The following ZNF536 variants were observed in gnomAD, a reference collection of about 807,000 sequenced individuals.
ZNF536 encodes the protein zinc finger protein 536.
A neutral mutation model predicts 84.5 loss-of-function variants in ZNF536; 13 were observed. The ratio of observed to expected loss-of-function variants is 0.15; its 90% CI spans 0.10 to 0.24. The LOEUF (loss-of-function observed/expected upper bound fraction) is 0.24. ZNF536 is among the 10% of genes least tolerant of loss of function. ZNF536 has a pLI of 1.00. For synonymous variants in ZNF536, 811 were observed against 742.5 expected (o/e 1.09, Z -1.50); for missense variants, 1,536 against 1,747.5 (o/e 0.88, Z 2.16).
intron 1 of ZNF536, among the ~76,000 whole-genome samples, chr19:30,633,717 A>C (rs567463783): frequency 6.6e-6 from 1 of 152,074 alleles, no homozygotes; most frequent in Admixed American, 6.5e-5. Flanking sequence ...TTTTATTTTT[A>C]TTTGATTTTT....
rs536642662 is a variant in ZNF536 at position 30,452,254 on chromosome 19, G to A, written c.2170+6522G>A. 2.0e-3 allele frequency among the ~76,000 whole-genome samples: 302 copies of A among 152,358 alleles called. 1 individual carries two copies. The highest frequency in any genetic ancestry group is 6.3e-3 in the African/African-American group (260 of 41,582). ...GCAGAGCTGGGGCAGCCTCTGCATAGAGGGCAGATTGGGGTCCTTCTGGCC... is the reference window on the plus strand; with the variant it reads ...GCAGAGCTGGGGCAGCCTCTGCATAAAGGGCAGATTGGGGTCCTTCTGGCC... On this transcript the variant is annotated intron_variant, in intron 2 of 4. Transcript: ENST00000355537.
chr19:30,636,351 C>A (rs1336870233), intron 1 of ZNF536, among the ~76,000 whole-genome samples: 2 of 152,098 alleles, frequency 1.3e-5, no homozygotes, highest in Non-Finnish European at 2.9e-5. Context: ...GATTGGGGAC[C>A]GGATGCGTGT....
At chr19:30,386,806 G>C (rs2049361268) in intron 1 of ZNF536, among the ~76,000 whole-genome samples, 1 of 152,214 alleles carries the variant, frequency 6.6e-6, no homozygotes. Context: ...GTGGCTTTCA[G>C]GAACCGATTT....
chr19:30,324,489 C>T (rs1218020313), intron 2 of ZNF536, among the ~76,000 whole-genome samples: 4 of 152,210 alleles, frequency 2.6e-5, no homozygotes, highest in Admixed American at 2.6e-4. Context: ...CTCAGACAGT[C>T]CTCCCACTTC....
downstream of ZNF536, among the ~76,000 whole-genome samples, chr19:30,561,942 T>C (rs1231746497): frequency 1.3e-5 from 2 of 152,160 alleles, no homozygotes; most frequent in African/African-American, 4.8e-5. Flanking sequence ...GTCGCAGACC[T>C]ACCAGAGCCA....
rs565819080 is a variant in ZNF536 at position 30,260,333 on chromosome 19, C to A, written c.-189-23739C>A. ...GTTGGGGAACATCACAGCAGTTGTT[C>A]CTGTCCAGGAAATATCTGCATTTTA... On this transcript the variant is annotated intron_variant, in intron 1 of 5. Transcript: ENST00000585628. Among the ~76,000 whole-genome samples, 82 of 152,292 alleles carry A rather than the reference C, an allele frequency of 5.4e-4. 1 individual carries two copies. The highest frequency in any genetic ancestry group is 1.9e-3 in the African/African-American group (78 of 41,564).
At chr19:30,539,652 A>G (rs1425391760) in intron 3 of ZNF536, among the ~76,000 whole-genome samples, 1 of 152,204 alleles carries the variant, frequency 6.6e-6, no homozygotes, top group Non-Finnish European at 1.5e-5. Flanking sequence ...CACCCATGCC[A>G]TTCTTTTCCT....
chr19:30,358,939 C>T (rs1207078790), intron 3 of ZNF536, among the ~76,000 whole-genome samples: 1 of 152,178 alleles, frequency 6.6e-6, no homozygotes, highest in Non-Finnish European at 1.5e-5. Flanking sequence ...TCTTGGGGAG[C>T]TGTCATAGCC....
intron 2 of ZNF536, among the ~76,000 whole-genome samples, chr19:30,295,976 A>G (rs939887144): frequency 4.2e-4 from 64 of 152,166 alleles, no homozygotes; most frequent in African/African-American, 1.5e-3. Context: ...AGAGGCCTCC[A>G]TGGGGCCCAG....
intron 2 of ZNF536, among the ~76,000 whole-genome samples, chr19:30,513,034 T>TA (rs1406749252): frequency 1.3e-5 from 2 of 152,272 alleles, no homozygotes; most frequent in Non-Finnish European, 2.9e-5. Flanking sequence ...ATATTTTATT[T>TA]TTTTTTCTTT....
In ZNF536 at chr19:30,445,250, A is replaced by G. The variant is rs2148217052; in HGVS notation, c.1688A>G (p.Lys563Arg). ...GCCGGGGTTCTGTTTGATAAGGAGAAGCGGGAGTACGTGTTAGTGGGAGCA... is the reference window on the plus strand; with the variant it reads ...GCCGGGGTTCTGTTTGATAAGGAGAGGCGGGAGTACGTGTTAGTGGGAGCA... ...ANAGVLFDKEKREYVLVGADG... is the reference protein window; with the variant it reads ...ANAGVLFDKERREYVLVGADG... The change falls in exon 2 of 5, where the codon AAG becomes AGG. Residue 563 changes from lysine to arginine, a missense_variant. Transcript: ENST00000355537. This position sits in a 1 kb window ranked among gnomAD's most constrained non-coding sequence, Gnocchi z 4.5. 4 of 1,614,182 alleles carry G rather than the reference A, an allele frequency of 2.5e-6. No homozygotes were observed. Among genetic ancestry groups the G allele is most frequent in the Non-Finnish European group, 3.4e-6 (4 of 1,180,042 alleles).
intron 1 of ZNF536, among the ~76,000 whole-genome samples, chr19:30,439,959 CTTTTTTTTTTTT>C (rs199638233): frequency 2.1e-5 from 2 of 96,396 alleles, no homozygotes; most frequent in Non-Finnish European, 2.0e-5. Flanking sequence ...TTCTTTCTTT[CTTTTTTTTTTTT>C]TTTTTTTTTG....
chr19:30,669,431 C>T (rs1009575150), intron 1 of ZNF536, among the ~76,000 whole-genome samples: 2 of 152,230 alleles, frequency 1.3e-5, no homozygotes, highest in African/African-American at 4.8e-5. Flanking sequence ...TGGTCAGCTT[C>T]CCCGGGGACT....
chr19:30,647,632 C>T (rs2049525797), intron 1 of ZNF536, among the ~76,000 whole-genome samples: 1 of 152,140 alleles, frequency 6.6e-6, no homozygotes, highest in Non-Finnish European at 1.5e-5. Flanking sequence ...AGTTGTCATC[C>T]CTCCTTCCAA....
At chr19:30,685,270 C>A (rs79275602) in intron 1 of ZNF536, among the ~76,000 whole-genome samples, 2,808 of 152,308 alleles carry the variant, frequency 0.018, 79 homozygotes, top group African/African-American at 0.064. Flanking sequence ...CACAGGGATG[C>A]AATGACAGTG....
intron 1 of ZNF536, among the ~76,000 whole-genome samples, chr19:30,372,936 C>G (rs2048667069): frequency 6.6e-6 from 1 of 152,048 alleles, no homozygotes; most frequent in Non-Finnish European, 1.5e-5. Context: ...TTCAGACTCC[C>G]TGGGCAAAGA....
chr19:30,679,546 C>T (rs1022360773), intron 1 of ZNF536, among the ~76,000 whole-genome samples: 4 of 152,162 alleles, frequency 2.6e-5, no homozygotes, highest in African/African-American at 9.7e-5. Context: ...ACGAACTGCC[C>T]CCTCCCCACG....
intron 2 of ZNF536, among the ~76,000 whole-genome samples, chr19:30,506,822 G>A (rs1415430347): frequency 6.6e-6 from 1 of 152,160 alleles, no homozygotes; most frequent in African/African-American, 2.4e-5. Context: ...AAACTAATGT[G>A]TGATCATTGC....
At chr19:30,603,055 C>T (rs996221367) in intron 1 of ZNF536, among the ~76,000 whole-genome samples, 2 of 152,208 alleles carry the variant, frequency 1.3e-5, no homozygotes, top group African/African-American at 4.8e-5. Context: ...CCTCCTCCTC[C>T]AGCCCGTGTG....
Sources: gnomAD v4.1 joint callset for allele counts (sites outside exome capture counted in the v4.1 genomes callset) on GRCh38, gnomAD v4.1.1 for gene constraint, Gnocchi (gnomAD v3.1) non-coding constraint, MANE v1.5 for transcripts, NCBI Gene and HGNC (gene_info 2026-07-23, HGNC 2026-07-21) for gene names.